Variants in BICDL1 observed in about 807,000 individuals in gnomAD.
BICDL1 encodes BICD family-like cargo adapter 1.
Under a neutral mutation model 76.8 loss-of-function variants are expected in BICDL1, and 20 were observed. The ratio of observed to expected loss-of-function variants is 0.26; its 90% CI spans 0.18 to 0.38. The LOEUF (loss-of-function observed/expected upper bound fraction) is 0.38. Ranked by LOEUF, BICDL1 falls within the 10% of genes least tolerant of loss-of-function variation. The pLI is 1.00. For synonymous variants in BICDL1, 383 were observed against 337.1 expected, an observed-to-expected ratio of 1.14 and a Z score of -1.49; for missense variants, 700 against 798.6, an observed-to-expected ratio of 0.88 and a Z score of 1.49.
rs1260270927 is a variant in BICDL1, at chr12:120,094,466, TGAATAA to T, written c.*1312_*1317del. ...ACCACTGCTTCTTTTGAAAATAGTC[TGAATAA>T]GAATAAAATGAATTTCTACAGAGCT... On this transcript the variant is annotated 3_prime_UTR_variant, in exon 10 of 10. Coordinates refer to ENST00000548673, the MANE Select transcript of BICDL1 (RefSeq NM_001367886.1). 3.2e-6 allele frequency: 1 copy of T among 308,568 alleles called. No individual in the cohort carries two copies. Among genetic ancestry groups the T allele is most frequent in the Non-Finnish European group, 6.6e-6 (1 of 152,544 alleles). The allele number at this position is 308,568 out of a possible 1,614,324, so 19.1% of individuals were successfully genotyped here. A position where few individuals can be genotyped will look rare whatever the true frequency, so the allele number is the denominator to read the frequency against.
At chr12:120,028,687 A>T (rs1477495118) in intron 2 of BICDL1, among the ~76,000 whole-genome samples, 1 of 152,064 alleles carries the variant, frequency 6.6e-6, no homozygotes, top group Non-Finnish European at 1.5e-5. Context: ...AAAAATAATA[A>T]TAATAAGATA....
At chr12:119,996,683 C>G (rs765157584) in intron 1 of BICDL1, among the ~76,000 whole-genome samples, 1 of 69,268 alleles carries the variant, frequency 1.4e-5, no homozygotes, top group African/African-American at 2.0e-4. Context: ...TATACAGATA[C>G]ACACACACAC....
chr12:120,049,229 G>A (rs1003533994), intron 2 of BICDL1, among the ~76,000 whole-genome samples: 1 of 152,184 alleles, frequency 6.6e-6, no homozygotes, highest in Non-Finnish European at 1.5e-5. Context: ...GAAAGACAGA[G>A]TTAGTCCTGT....
At chr12:120,084,276 A>G (rs1874227492) in intron 8 of BICDL1, among the ~76,000 whole-genome samples, 1 of 152,100 alleles carries the variant, frequency 6.6e-6, no homozygotes, top group African/African-American at 2.4e-5. Flanking sequence ...TGCTGGGATT[A>G]CAGGCATGAG....
chr12:119,992,368 CT>C (rs1279610177), intron 1 of BICDL1: 2 of 152,148 alleles, frequency 1.3e-5, no homozygotes, highest in Non-Finnish European at 2.9e-5. Flanking sequence ...TTAGACAATA[CT>C]TTCTAACGTT....
chr12:120,080,936 G>A lies in BICDL1; in HGVS notation c.1502G>A (p.Arg501Gln), dbSNP rs373275826. ...EMTALKEERD[R>Q]LRVTSEDKEP... Reference sequence around the variant, plus strand: ...ACTGCCCTAAAAGAGGAGAGAGACCGACTCAGAGTCACTTCTGAGGACAAG... The same window carrying A: ...ACTGCCCTAAAAGAGGAGAGAGACCAACTCAGAGTCACTTCTGAGGACAAG... Residue 501 changes from arginine to glutamine, a missense_variant, in exon 8 of 10, where the codon CGA becomes CAA. Physicochemically the swap from Arg to Gln is conservative, Grantham distance 43. Transcript: ENST00000548673. 3.5e-5 allele frequency: 56 copies of A among 1,613,550 alleles called. No individual in the cohort carries two copies. Among genetic ancestry groups the A allele is most frequent in the African/African-American group, 6.7e-5 (5 of 74,848 alleles).
At chr12:120,030,998 C>T (rs1391244110) in intron 2 of BICDL1, among the ~76,000 whole-genome samples, 2 of 152,094 alleles carry the variant, frequency 1.3e-5, no homozygotes, top group African/African-American at 4.8e-5. Flanking sequence ...CTGTGTTTAA[C>T]CTGTTTTGGT....
In BICDL1 at chr12:119,989,955, G is replaced by C; in HGVS notation, c.87G>C (p.Ala29=). Residue 29 remains alanine (A), a synonymous_variant, in exon 1 of 10, where the codon GCG becomes GCC. Transcript: ENST00000548673. ...DSACCMELPA[A]AGDAVRSPAA... is the part of the protein sequence containing the mutation. ...CCTGCTGCATGGAGCTGCCCGCCGC[G>C]GCCGGGGACGCAGTCCGGAGTCCCG... 6.8e-7 allele frequency: 1 copy of C among 1,463,756 alleles called. No homozygotes were observed. The highest frequency in any genetic ancestry group is 8.9e-7 in the Non-Finnish European group (1 of 1,122,560). 90.7% of individuals were successfully genotyped at this position (1,463,756 alleles called of 1,614,324 possible). A position where few individuals can be genotyped will look rare whatever the true frequency, so the allele number is the denominator to read the frequency against.
At chr12:120,037,283 T>C (rs188009988) in intron 2 of BICDL1, among the ~76,000 whole-genome samples, 11 of 152,362 alleles carry the variant, frequency 7.2e-5, no homozygotes, top group African/African-American at 2.2e-4. Context: ...TTTTGATTTC[T>C]AAAGTACCTT....
chr12:120,015,503 A>G (rs1342376592), intron 2 of BICDL1, among the ~76,000 whole-genome samples: 1 of 152,150 alleles, frequency 6.6e-6, no homozygotes, highest in Non-Finnish European at 1.5e-5. Flanking sequence ...CTTACCAACT[A>G]GAGTGCTTTA....
chr12:120,078,976 G>C (rs372777857), intron 7 of BICDL1, among the ~76,000 whole-genome samples: 1 of 152,328 alleles, frequency 6.6e-6, no homozygotes, highest in Non-Finnish European at 1.5e-5. Context: ...TGCTAAATAG[G>C]GGGAGGCTGG....
Position 120,074,624 on chromosome 12 carries a change from G to C in BICDL1, c.1452+38G>C, listed in dbSNP as rs543473201. 5.6e-6 allele frequency: 6 copies of C among 1,066,074 alleles called. No individual in the cohort carries two copies. In the African/African-American group the frequency reaches 8.5e-5, roughly 15 times the overall value. The allele number at this position is 1,066,074 out of a possible 1,614,324, so 66.0% of individuals were successfully genotyped here. ...ACCTTCAGTTCAGTGCAGGGCATGT[G>C]CACCTGCCCCTGGCTCTCTTGGGAC... On this transcript the variant is annotated intron_variant, in intron 7 of 9. Transcript: ENST00000548673.
In BICDL1 at chr12:120,072,733, A is replaced by T; in HGVS notation, c.1308+4A>T. On this transcript the variant is annotated splice_donor_region_variant and intron_variant, in intron 6 of 9. Coordinates refer to ENST00000548673, the MANE Select transcript of BICDL1 (RefSeq NM_001367886.1). ...TGTGGATGGCATGGAGCCCACGGTAAGAGGCCAGTCTGAGATGGTCCTTAC... is the reference window on the plus strand; with the variant it reads ...TGTGGATGGCATGGAGCCCACGGTATGAGGCCAGTCTGAGATGGTCCTTAC... 1 of 1,610,646 alleles carries T rather than the reference A, an allele frequency of 6.2e-7. No individual in the cohort carries two copies. The highest frequency in any genetic ancestry group is 8.5e-7 in the Non-Finnish European group (1 of 1,179,366).
chr12:119,995,147 A>G (rs553268695), intron 1 of BICDL1, among the ~76,000 whole-genome samples: 4 of 152,322 alleles, frequency 2.6e-5, no homozygotes, highest in African/African-American at 9.6e-5. Flanking sequence ...TGAGAAACGA[A>G]GGAGAGCATA....
chr12:120,016,357 C>A (rs1185869209), intron 2 of BICDL1, among the ~76,000 whole-genome samples: 1 of 149,424 alleles, frequency 6.7e-6, no homozygotes, highest in Non-Finnish European at 1.5e-5. Flanking sequence ...CATTCATGTA[C>A]AAGTCTTTGG....
At chr12:120,062,983 G>A (rs541430412) in intron 3 of BICDL1, among the ~76,000 whole-genome samples, 2 of 152,266 alleles carry the variant, frequency 1.3e-5, no homozygotes, top group South Asian at 4.1e-4. Context: ...TATAGCGCTG[G>A]GTGAGGGAGT....
intron 8 of BICDL1, among the ~76,000 whole-genome samples, chr12:120,089,249 T>A (rs1272709540): frequency 1.3e-5 from 2 of 152,102 alleles, no homozygotes; most frequent in South Asian, 2.1e-4. Flanking sequence ...CCAGTCCTTA[T>A]TTTAGTATTG....
intron 2 of BICDL1, among the ~76,000 whole-genome samples, chr12:120,007,461 A>G (rs1048354540): frequency 6.6e-6 from 1 of 151,840 alleles, no homozygotes; most frequent in Non-Finnish European, 1.5e-5. Context: ...CCCACCCCCC[A>G]CGTACACACT....
At chr12:120,003,389 G>T (rs962824023) in intron 2 of BICDL1, among the ~76,000 whole-genome samples, 2 of 145,374 alleles carry the variant, frequency 1.4e-5, no homozygotes, top group African/African-American at 2.9e-5. Flanking sequence ...GTTGGGTTTT[G>T]TTGTTGTTGT....
Sources: gnomAD v4.1 joint callset for allele counts (sites outside exome capture counted in the v4.1 genomes callset) on GRCh38, gnomAD v4.1.1 for gene constraint, MANE v1.5 for transcripts, NCBI Gene and HGNC (gene_info 2026-07-23, HGNC 2026-07-21) for gene names.